The following PDE6B variants were observed in gnomAD, a reference collection of about 807,000 sequenced individuals.
PDE6B encodes phosphodiesterase 6B, also known as rod cGMP-specific 3',5'-cyclic phosphodiesterase subunit beta.
A neutral mutation model predicts 109.0 loss-of-function variants in PDE6B; 106 were observed. The ratio of observed to expected loss-of-function variants is 0.97; its 90% CI spans 0.83 to 1.14. The LOEUF (loss-of-function observed/expected upper bound fraction) is 1.14. Among genes scored for constraint, PDE6B ranks in the 50% most tolerant of loss-of-function variants. The pLI is 0.00. For missense variants in PDE6B, 1,193 were observed against 1,155.6 expected (o/e 1.03, Z -0.47); for synonymous variants, 490 against 471.3 (o/e 1.04, Z -0.51).
intron 11 of PDE6B, among the ~76,000 whole-genome samples, chr4:659,638 A>C (rs1489904001): frequency 6.8e-5 from 10 of 147,472 alleles, no homozygotes; most frequent in Non-Finnish European, 1.2e-4. Context: ...ACATGTGTAC[A>C]CATGTGTGTG....
Position 634,741 on chromosome 4 carries a change from C to T in PDE6B, c.533C>T (p.Thr178Ile). The T allele has an allele frequency of 6.2e-7, 1 of 1,612,168 alleles. No homozygotes were observed. The highest frequency in any genetic ancestry group is 1.3e-5 in the African/African-American group (1 of 75,000). ...TDYKTKNMLA[T>I]PIMNGKDVVA... ...TACAAGACAAAGAATATGCTGGCCA[C>T]ACCCATCATGAATGGCAAAGACGTC... The change falls in exon 2 of 22, where the codon ACA (threonine) becomes ATA (isoleucine). Residue 178 changes from threonine (T) to isoleucine (I), a missense_variant. By Grantham distance (89) the Thr-to-Ile change is moderately conservative. Transcript: ENST00000496514.
intron 3 of PDE6B, among the ~76,000 whole-genome samples, chr4:649,457 G>T (rs1363873096): frequency 6.6e-6 from 1 of 152,114 alleles, no homozygotes; most frequent in Non-Finnish European, 1.5e-5. Flanking sequence ...TAGGGCCGAG[G>T]CCCGTCCTAG....
rs1165692076 is a variant in PDE6B, at chr4:633,465, G to T, written c.469-1212G>T. ...CTAGCACCTCGGCCAGCCCCCAGCA[G>T]GCTTCCTCTGACCTCTCAACCTTGC... On this transcript the variant is annotated intron_variant, in intron 1 of 21. Coordinates refer to ENST00000496514, the MANE Select transcript of PDE6B (RefSeq NM_000283.4). The surrounding 1 kb of genome is among the most constrained non-coding windows in gnomAD (Gnocchi z 4.5). Among the ~76,000 whole-genome samples the T allele has an allele frequency of 1.3e-5, 2 of 152,176 alleles. No individual in the cohort carries two copies. The highest frequency in any genetic ancestry group is 1.3e-4 in the Admixed American group (2 of 15,278).
Position 665,427 on chromosome 4 carries a change from G to C in PDE6B, c.2268+98G>C. The C allele has an allele frequency of 1.2e-6, 1 of 813,392 alleles. No individual in the cohort carries two copies. Among genetic ancestry groups the C allele is most frequent in the East Asian group, 2.5e-5 (1 of 39,528 alleles). The allele number at this position is 813,392 out of a possible 1,614,324, so 50.4% of individuals were successfully genotyped here. On this transcript the variant is annotated intron_variant, in intron 19 of 21. Coordinates refer to ENST00000496514, the MANE Select transcript of PDE6B (RefSeq NM_000283.4). This position sits in a 1 kb window ranked among gnomAD's most constrained non-coding sequence, Gnocchi z 4.0. ...AGGTCCTGGCTTGGTCTCAGGCAGG[G>C]GGTTCTGAGGTCGTGGGGTCCTTAT...
Position 626,172 on chromosome 4 carries a change from G to A in PDE6B, c.468+78G>A. ...TCCCAGGTGTCTAAGGGTCAGCTCG[G>A]ATCCTCAGGCCTCCAGGGAGGCCTC... On this transcript the variant is annotated intron_variant, in intron 1 of 21. Transcript: ENST00000496514. The surrounding 1 kb of genome is among the most constrained non-coding windows in gnomAD (Gnocchi z 4.6). 2 of 892,396 alleles carry A rather than the reference G, an allele frequency of 2.2e-6. No homozygotes were observed. Among genetic ancestry groups the A allele is most frequent in the South Asian group, 1.4e-5 (1 of 70,194 alleles). 55.3% of individuals were successfully genotyped at this position (892,396 alleles called of 1,614,324 possible).
In PDE6B at chr4:625,913, T is replaced by G; in HGVS notation, c.287T>G (p.Met96Arg). Residue 96 changes from methionine to arginine, a missense_variant, in exon 1 of 22, where the codon ATG becomes AGG. Transcript: ENST00000496514. This position sits in a 1 kb window ranked among gnomAD's most constrained non-coding sequence, Gnocchi z 5.0. Reference protein sequence around the residue: ...LLQADRCSLFMYRQRNGVAEL... With the variant: ...LLQADRCSLFRYRQRNGVAEL... ...CAGGCCGACCGCTGCAGCCTCTTCATGTACCGCCAGCGCAACGGCGTGGCC... is the reference window on the plus strand; with the variant it reads ...CAGGCCGACCGCTGCAGCCTCTTCAGGTACCGCCAGCGCAACGGCGTGGCC... 6.2e-7 allele frequency: 1 copy of G among 1,602,666 alleles called. No homozygotes were observed. Among genetic ancestry groups the G allele is most frequent in the Middle Eastern group, 1.7e-4 (1 of 6,046 alleles).
At position 626,607 on chromosome 4, in the gene PDE6B, C is replaced by A. The variant is rs1734116749; in HGVS notation, c.468+513C>A. ...CAAACTTCCACTGTGGCAGAAGCAG[C>A]TTTATCCCATGGGAGCCCACGCCAG... On this transcript the variant is annotated intron_variant, in intron 1 of 21. Transcript: ENST00000496514. The surrounding 1 kb of genome is among the most constrained non-coding windows in gnomAD (Gnocchi z 4.6). Among the ~76,000 whole-genome samples, 1 of 152,214 alleles carries A rather than the reference C, an allele frequency of 6.6e-6. No homozygotes were observed. Among genetic ancestry groups the A allele is most frequent in the African/African-American group, 2.4e-5 (1 of 41,454 alleles).
At chr4:660,301 C>T (rs1736909973) in intron 11 of PDE6B, among the ~76,000 whole-genome samples, 166 bp from the exon 12 acceptor site, 1 of 152,136 alleles carries the variant, frequency 6.6e-6, no homozygotes, top group Admixed American at 6.5e-5. Flanking sequence ...GCCAGGGGGG[C>T]GTGTGAGCAG....
At chr4:651,554 C>T (rs1735554010) in intron 3 of PDE6B, 1 of 152,158 alleles carries the variant, frequency 6.6e-6, no homozygotes, top group Non-Finnish European at 1.5e-5. Context: ...GTGAACCAGT[C>T]ACGCGAGGAG....
At chr4:637,419 C>T (rs1358661052) in intron 3 of PDE6B, among the ~76,000 whole-genome samples, 1 of 152,128 alleles carries the variant, frequency 6.6e-6, no homozygotes, top group Non-Finnish European at 1.5e-5. Flanking sequence ...CGGGGTTTCA[C>T]CATGTTGGCC....
chr4:669,937 C>T (rs1738326160), intron 21 of PDE6B, 109 bp from the exon 22 acceptor site: 4 of 894,016 alleles, frequency 4.5e-6, no homozygotes, highest in African/African-American at 1.6e-5. Flanking sequence ...GACCCAGGTG[C>T]TGTCCTTCCT....
rs1231386166 is a variant in PDE6B at position 633,493 on chromosome 4, C to G, written c.469-1184C>G. On this transcript the variant is annotated intron_variant, in intron 1 of 21. Transcript: ENST00000496514. This position sits in a 1 kb window ranked among gnomAD's most constrained non-coding sequence, Gnocchi z 4.5. The stretch of plus-strand genomic sequence containing the variant: ...TTCCTCTGACCTCTCAACCTTGCTG[C>G]AGGGGAAGGGGGTGGAGGGGAGTTG... Among the ~76,000 whole-genome samples the G allele has an allele frequency of 6.6e-6, 1 of 152,136 alleles. No individual in the cohort carries two copies. The highest frequency in any genetic ancestry group is 1.5e-5 in the Non-Finnish European group (1 of 68,006).
At chr4:664,762 C>T (rs1050287746) in intron 17 of PDE6B, 119 bp from the exon 18 acceptor site, 67 of 824,286 alleles carry the variant, frequency 8.1e-5, no homozygotes, top group Non-Finnish European at 1.1e-4. Context: ...GCTGAGATTG[C>T]GCCATTGCAC....
intron 1 of PDE6B, among the ~76,000 whole-genome samples, chr4:629,594 C>A (rs1734281853): frequency 6.6e-6 from 1 of 152,280 alleles, no homozygotes; most frequent in Admixed American, 6.5e-5. Context: ...CTGCCCCCTG[C>A]CCCAAAACAC....
At position 663,432 on chromosome 4, in the gene PDE6B, G is replaced by A. The variant is rs541164916; in HGVS notation, c.1920+245G>A. ...CCCCTCATGGGGTGGGGTGGAAGCC[G>A]AAGGGGAAGCGGCCCGGGACCCACC... On this transcript the variant is annotated intron_variant, in intron 15 of 21. Coordinates refer to ENST00000496514, the MANE Select transcript of PDE6B (RefSeq NM_000283.4). This position sits in a 1 kb window ranked among gnomAD's most constrained non-coding sequence, Gnocchi z 4.0. Among the ~76,000 whole-genome samples the A allele has an allele frequency of 1.3e-5, 2 of 152,306 alleles. No individual in the cohort carries two copies. Among genetic ancestry groups the A allele is most frequent in the East Asian group, 1.9e-4 (1 of 5,170 alleles).
At chr4:634,555 C>G (rs1734548516) in intron 1 of PDE6B, 122 bp from the exon 2 acceptor site, 1 of 851,472 alleles carries the variant, frequency 1.2e-6, no homozygotes, top group Non-Finnish European at 2.1e-6. Flanking sequence ...CCCAGCAGGG[C>G]CCCTGGGCAC....
At position 636,417 on chromosome 4, in the gene PDE6B, G is replaced by A. The variant is rs1004616715; in HGVS notation, c.711+448G>A. 2.0e-5 allele frequency among the ~76,000 whole-genome samples: 3 copies of A among 152,174 alleles called. No homozygotes were observed. The highest frequency in any genetic ancestry group is 7.2e-5 in the African/African-American group (3 of 41,444). On this transcript the variant is annotated intron_variant, in intron 3 of 21. Transcript: ENST00000496514. The surrounding 1 kb of genome is among the most constrained non-coding windows in gnomAD (Gnocchi z 4.5). The stretch of plus-strand genomic sequence containing the variant: ...GAGAGAGGGTACGGGGGCAGGTCTG[G>A]CCCTGGCCGAGACGCTGGGGAGGGA...
intron 11 of PDE6B, among the ~76,000 whole-genome samples, chr4:659,541 C>G (rs994934708): frequency 4.6e-4 from 69 of 150,470 alleles, no homozygotes; most frequent in African/African-American, 1.5e-3. Context: ...ACGTGGGCGT[C>G]TGCACAGGTG....
intron 11 of PDE6B, 122 bp downstream of exon 11, chr4:659,139 CTG>C (rs1736724021): frequency 4.0e-6 from 3 of 756,444 alleles, no homozygotes; most frequent in Middle Eastern, 2.8e-4. Flanking sequence ...GATGTTGGTG[CTG>C]TGTGTGTATA....
Sources: gnomAD v4.1 joint callset for allele counts (sites outside exome capture counted in the v4.1 genomes callset) on GRCh38, gnomAD v4.1.1 for gene constraint, Gnocchi (gnomAD v3.1) non-coding constraint, MANE v1.5 for transcripts, NCBI Gene and HGNC (gene_info 2026-07-23, HGNC 2026-07-21) for gene names.